Variants in MARK2 observed in about 807,000 individuals in gnomAD.
MARK2 encodes microtubule affinity regulating kinase 2.
Under a neutral mutation model 89.8 loss-of-function variants are expected in MARK2, and 16 were observed. The ratio of observed to expected loss-of-function variants is 0.18; its 90% CI spans 0.12 to 0.27. MARK2 has a LOEUF of 0.27. MARK2 is among the 10% of genes least tolerant of loss of function. The pLI is 1.00. For synonymous variants in MARK2, 382 were observed against 399.5 expected (o/e 0.96, Z 0.52); for missense variants, 621 against 1,049.9 (o/e 0.59, Z 5.65).
chr11:63,878,205 A>G (rs1200533717), intron 1 of MARK2, among the ~76,000 whole-genome samples: 1 of 152,056 alleles, frequency 6.6e-6, no homozygotes, highest in Admixed American at 6.6e-5. Context: ...GTCTTCCTTA[A>G]TTAGCTCTTC....
intron 1 of MARK2, among the ~76,000 whole-genome samples, chr11:63,868,019 CG>C (rs1251647143): frequency 6.6e-6 from 1 of 152,184 alleles, no homozygotes; most frequent in Non-Finnish European, 1.5e-5. Flanking sequence ...TGTATCACTT[CG>C]GACACCCAGA....
chr11:63,850,410 G>T (rs2016517110), intron 1 of MARK2, among the ~76,000 whole-genome samples: 1 of 136,910 alleles, frequency 7.3e-6, no homozygotes, highest in African/African-American at 2.7e-5. Flanking sequence ...CTCATGATCT[G>T]CCCACCTCGG....
At chr11:63,874,751 T>C (rs980004175) in intron 1 of MARK2, among the ~76,000 whole-genome samples, 3 of 152,312 alleles carry the variant, frequency 2.0e-5, no homozygotes, top group African/African-American at 7.2e-5. Context: ...CACATGACCT[T>C]GGTTATCTCT....
chr11:63,849,936 T>G (rs1183756184), intron 1 of MARK2: 2 of 152,146 alleles, frequency 1.3e-5, no homozygotes, highest in African/African-American at 4.8e-5. Flanking sequence ...TAGAAAGCAT[T>G]TAGAATAGCG....
chr11:63,898,952 C>A, intron 6 of MARK2, 100 bp from the exon 7 acceptor site: 1 of 1,221,570 alleles, frequency 8.2e-7, no homozygotes, highest in Non-Finnish European at 1.2e-6. Flanking sequence ...TCTGCTTATC[C>A]GTGTGGCAGG....
intron 1 of MARK2, among the ~76,000 whole-genome samples, chr11:63,876,055 G>A (rs890977920): frequency 1.3e-5 from 2 of 152,222 alleles, no homozygotes; most frequent in Admixed American, 6.5e-5. Flanking sequence ...CATCTAGGGC[G>A]GGATGTGTGT....
At chr11:63,860,041 A>T (rs993651410) in intron 1 of MARK2, among the ~76,000 whole-genome samples, 1 of 152,204 alleles carries the variant, frequency 6.6e-6, no homozygotes, top group Non-Finnish European at 1.5e-5. Flanking sequence ...GCAGTGTGTG[A>T]ACTTTGTATT....
At position 63,856,783 on chromosome 11, in the gene MARK2, T is replaced by G. The variant is rs1260267606; in HGVS notation, c.54+17223T>G. Among the ~76,000 whole-genome samples the G allele has an allele frequency of 1.2e-3, 29 of 24,362 alleles. 1 individual carries two copies. Among genetic ancestry groups the G allele is most frequent in the African/African-American group, 4.4e-3 (26 of 5,850 alleles). 16.0% of individuals were successfully genotyped at this position (24,362 alleles called of 152,430 possible). A position where few individuals can be genotyped will look rare whatever the true frequency, so the allele number is the denominator to read the frequency against. ...AATTTTTCATGTTTTTTTTTTTTTTTTTTTTTTTTTTTTTTTTTTTTTGAG... is the reference window on the plus strand; with the variant it reads ...AATTTTTCATGTTTTTTTTTTTTTTGTTTTTTTTTTTTTTTTTTTTTTGAG... On this transcript the variant is annotated intron_variant, in intron 1 of 18. Coordinates refer to ENST00000402010, the MANE Select transcript of MARK2 (RefSeq NM_001039469.3).
At chr11:63,873,723 G>A (rs1938584011) in intron 1 of MARK2, among the ~76,000 whole-genome samples, 1 of 152,280 alleles carries the variant, frequency 6.6e-6, no homozygotes, top group Non-Finnish European at 1.5e-5. Flanking sequence ...TCGGCTCGCT[G>A]CAACCTCCAC....
chr11:63,853,651 C>A (rs962275548), intron 1 of MARK2, among the ~76,000 whole-genome samples: 1 of 152,218 alleles, frequency 6.6e-6, no homozygotes, highest in South Asian at 2.1e-4. Context: ...TCCATTTGCA[C>A]CCTTGGTGCA....
intron 1 of MARK2, among the ~76,000 whole-genome samples, chr11:63,880,574 G>A (rs886152933): frequency 6.6e-5 from 10 of 152,202 alleles, no homozygotes; most frequent in African/African-American, 2.4e-4. Flanking sequence ...GGTTTTGATA[G>A]CAAAGCAGTA....
At chr11:63,873,653 T>A (rs1476750047) in intron 1 of MARK2, among the ~76,000 whole-genome samples, 1 of 152,168 alleles carries the variant, frequency 6.6e-6, no homozygotes, top group Admixed American at 6.5e-5. Context: ...TATTTTATTT[T>A]ATTTTTTTCT....
At chr11:63,887,424 T>C (rs889307400) in intron 1 of MARK2, among the ~76,000 whole-genome samples, 2 of 152,206 alleles carry the variant, frequency 1.3e-5, no homozygotes, top group Non-Finnish European at 2.9e-5. Context: ...GAAAACAAAG[T>C]GTAAGCGCTG....
chr11:63,860,945 A>G (rs1012210654), intron 1 of MARK2, among the ~76,000 whole-genome samples: 1 of 152,158 alleles, frequency 6.6e-6, no homozygotes, highest in Non-Finnish European at 1.5e-5. Context: ...CTGTTTAATC[A>G]AGTGCTCAAC....
chr11:63,844,485 G>GA (rs950458127), intron 1 of MARK2, among the ~76,000 whole-genome samples: 6 of 149,728 alleles, frequency 4.0e-5, no homozygotes, highest in Non-Finnish European at 7.4e-5. Context: ...CACTATCTCA[G>GA]AAAAAAAAAA....
intron 1 of MARK2, among the ~76,000 whole-genome samples, chr11:63,849,718 A>G (rs2016469823): frequency 6.6e-6 from 1 of 152,166 alleles, no homozygotes; most frequent in South Asian, 2.1e-4. Flanking sequence ...ATGCCACTGC[A>G]CTCCAGCCTG....
At chr11:63,889,998 T>G (rs1939703165) in intron 1 of MARK2, among the ~76,000 whole-genome samples, 1 of 152,196 alleles carries the variant, frequency 6.6e-6, no homozygotes, top group Admixed American at 6.5e-5. Flanking sequence ...ATCCTCAGCC[T>G]GCCATCCTGT....
chr11:63,846,874 T>C (rs909327001), intron 1 of MARK2, among the ~76,000 whole-genome samples: 1 of 151,880 alleles, frequency 6.6e-6, no homozygotes, highest in Non-Finnish European at 1.5e-5. Context: ...GCCAGGATGG[T>C]CTCGATCTTC....
chr11:63,908,927 G>C lies in MARK2; in HGVS notation c.2057G>C (p.Arg686Pro). Residue 686 changes from arginine to proline, a missense_variant, in exon 19 of 19, where the codon CGG (arginine) becomes CCG (proline). This residue lies in a region of MARK2 where 397 missense variants were observed against 567.8 expected (regional missense o/e 0.70). Coordinates refer to ENST00000402010, the MANE Select transcript of MARK2 (RefSeq NM_001039469.3). ...GGNDKEKEEFREAKPRSLRFT... is the reference protein window; with the variant it reads ...GGNDKEKEEFPEAKPRSLRFT... ...AACGACAAAGAAAAGGAAGAATTTC[G>C]GGAGGCCAAGCCCCGCTCCCTCCGC... 6.6e-7 allele frequency: 1 copy of C among 1,505,932 alleles called. No individual in the cohort carries two copies. The allele number at this position is 1,505,932 out of a possible 1,614,324, so 93.3% of individuals were successfully genotyped here. A position where few individuals can be genotyped will look rare whatever the true frequency, so the allele number is the denominator to read the frequency against.
Sources: gnomAD v4.1 joint callset for allele counts (sites outside exome capture counted in the v4.1 genomes callset) on GRCh38, gnomAD v4.1.1 for gene constraint, gnomAD v4.1.1 regional missense constraint, MANE v1.5 for transcripts, NCBI Gene and HGNC (gene_info 2026-07-23, HGNC 2026-07-21) for gene names.